EEF2KMT: variants seen among roughly 807,000 people sequenced by gnomAD.
The protein encoded by EEF2KMT is eukaryotic elongation factor 2 lysine methyltransferase.
In EEF2KMT, 30 loss-of-function variants were observed where a neutral mutation model predicts 35.1. That is an observed-to-expected ratio of 0.85 (90% CI 0.64 to 1.16). The LOEUF is 1.16. Ranked by LOEUF, EEF2KMT falls within the 50% of genes most tolerant of loss-of-function variation. The pLI is 0.00. For missense variants in EEF2KMT, 499 were observed against 438.2 expected (o/e 1.14, Z -1.24); for synonymous variants, 190 against 187.7 (o/e 1.01, Z -0.10).
At chr16:5,087,226 A>G (rs1957211515) in intron 7 of EEF2KMT, 1 of 152,230 alleles carries the variant, frequency 6.6e-6, no homozygotes, top group African/African-American at 2.4e-5. Flanking sequence ...AAAGAAAAAA[A>G]ATCACAAAAA....
chr16:5,088,833 C>T (rs146743934), intron 7 of EEF2KMT, among the ~76,000 whole-genome samples: 23 of 152,026 alleles, frequency 1.5e-4, no homozygotes, highest in East Asian at 1.2e-3. Context: ...ATGAGGAAAC[C>T]GAGGCCCAAG....
intron 1 of EEF2KMT, among the ~76,000 whole-genome samples, chr16:5,097,032 A>G (rs1405540183): frequency 6.6e-6 from 1 of 152,238 alleles, no homozygotes; most frequent in African/African-American, 2.4e-5. Context: ...CATGAATTAC[A>G]AATGAGGCCG....
In EEF2KMT at chr16:5,090,588, A is replaced by T; in HGVS notation, c.343-23T>A. On this transcript the variant is annotated intron_variant, in intron 4 of 7. Coordinates refer to ENST00000427587, the MANE Select transcript of EEF2KMT (RefSeq NM_201400.4). This position sits in a 1 kb window ranked among gnomAD's most constrained non-coding sequence, Gnocchi z 4.1. ...GGGCTGCACCAAGAGAAGGCGAGAGAGTCAGTCCAGCGATCAGAAGGCAAG... is the reference window on the plus strand; with the variant it reads ...GGGCTGCACCAAGAGAAGGCGAGAGTGTCAGTCCAGCGATCAGAAGGCAAG... The T allele has an allele frequency of 6.2e-7, 1 of 1,611,780 alleles. No individual in the cohort carries two copies. The highest frequency in any genetic ancestry group is 1.1e-5 in the South Asian group (1 of 90,970).
intron 1 of EEF2KMT, chr16:5,097,156 A>G: frequency 3.8e-6 from 2 of 522,118 alleles, no homozygotes; most frequent in Non-Finnish European, 5.5e-6. Flanking sequence ...TGTCTCTTCC[A>G]TCACAGGCGT....
intron 2 of EEF2KMT, 187 bp downstream of exon 2, chr16:5,095,265 A>C (rs1210149614): frequency 1.3e-6 from 1 of 755,326 alleles, no homozygotes. Context: ...CTAAGTCTTA[A>C]ATAGAAAACG....
chr16:5,093,797 T>C (rs1348455523), intron 2 of EEF2KMT, among the ~76,000 whole-genome samples: 4 of 152,188 alleles, frequency 2.6e-5, no homozygotes, highest in Admixed American at 6.5e-5. Context: ...TAACGCCCAT[T>C]CTGAGCAGGA....
intron 3 of EEF2KMT, among the ~76,000 whole-genome samples, chr16:5,092,893 G>C (rs1567180783): frequency 6.6e-6 from 1 of 152,224 alleles, no homozygotes. Context: ...CCAGGAGGCA[G>C]AGGTTTCAGG....
intron 1 of EEF2KMT, chr16:5,097,377 C>G: frequency 5.4e-6 from 8 of 1,484,644 alleles, no homozygotes; most frequent in Non-Finnish European, 7.2e-6. Flanking sequence ...TGAAAATGAT[C>G]GTGAACTGTA....
rs1210576669 is a variant in EEF2KMT at position 5,085,566 on chromosome 16, C to T, written c.*66G>A. 1 of 1,157,710 alleles carries T rather than the reference C, an allele frequency of 8.6e-7. No homozygotes were observed. Among genetic ancestry groups the T allele is most frequent in the Non-Finnish European group, 1.3e-6 (1 of 765,800 alleles). The allele number at this position is 1,157,710 out of a possible 1,614,324, so 71.7% of individuals were successfully genotyped here. ...CCAATGAAAGTTTTATCCGCTTTCC[C>T]ATATAAAAATTCTTCCCATGAGAGT... On this transcript the variant is annotated 3_prime_UTR_variant, in exon 8 of 8. Transcript: ENST00000427587.
rs1401524002 is a variant in EEF2KMT, at chr16:5,084,822, C to A, written c.*810G>T. The A allele has an allele frequency of 2.5e-6, 4 of 1,596,354 alleles. No homozygotes were observed. The African/African-American group carries it at 5.3e-5, about 21-fold the overall frequency. On this transcript the variant is annotated 3_prime_UTR_variant, in exon 8 of 8. Coordinates refer to ENST00000427587, the MANE Select transcript of EEF2KMT (RefSeq NM_201400.4). ...CCGGAAGAACCTGCGGGAGTCGCAG[C>A]AGCTCCGATGGGATGAGAGCTGGGT...
At chr16:5,088,809 C>T (rs1275322036) in intron 7 of EEF2KMT, among the ~76,000 whole-genome samples, 2 of 152,100 alleles carry the variant, frequency 1.3e-5, no homozygotes, top group Non-Finnish European at 2.9e-5. Context: ...CCTCCCGCCA[C>T]CTCCATTTTA....
In EEF2KMT at chr16:5,090,159, C is replaced by T. The variant is rs1957309956; in HGVS notation, c.667G>A (p.Val223Met). 2 of 1,611,446 alleles carry T rather than the reference C, an allele frequency of 1.2e-6. No individual in the cohort carries two copies. Among genetic ancestry groups the T allele is most frequent in the African/African-American group, 1.3e-5 (1 of 74,996 alleles). The change falls in exon 6 of 8, where the codon GTG (valine) becomes ATG (methionine). Residue 223 changes from valine (V) to methionine (M), a missense_variant. Coordinates refer to ENST00000427587, the MANE Select transcript of EEF2KMT (RefSeq NM_201400.4). The surrounding 1 kb of genome is among the most constrained non-coding windows in gnomAD (Gnocchi z 4.1). ...TAKLDSPRVT[V>M]AQLDWDVATV... ...GCGACGTCCCAGTCCAGCTGGGCCA[C>T]TGTCACCCTGGGGCTGTCTAACTTG... is the stretch of plus-strand genomic sequence containing the variant.
At position 5,085,574 on chromosome 16, in the gene EEF2KMT, A is replaced by C; in HGVS notation, c.*58T>G. ...AGTTTTATCCGCTTTCCCATATAAAAATTCTTCCCATGAGAGTGACTTGAT... is the reference window on the plus strand; with the variant it reads ...AGTTTTATCCGCTTTCCCATATAAACATTCTTCCCATGAGAGTGACTTGAT... On this transcript the variant is annotated 3_prime_UTR_variant, in exon 8 of 8. Coordinates refer to ENST00000427587, the MANE Select transcript of EEF2KMT (RefSeq NM_201400.4). 8.1e-7 allele frequency: 1 copy of C among 1,235,744 alleles called. No individual in the cohort carries two copies. The highest frequency in any genetic ancestry group is 1.2e-5 in the South Asian group (1 of 83,416). 76.5% of individuals were successfully genotyped at this position (1,235,744 alleles called of 1,614,324 possible). A position where few individuals can be genotyped will look rare whatever the true frequency, so the allele number is the denominator to read the frequency against.
intron 1 of EEF2KMT, among the ~76,000 whole-genome samples, chr16:5,096,068 A>T (rs1957457091): frequency 6.6e-6 from 1 of 151,730 alleles, no homozygotes; most frequent in South Asian, 2.1e-4. Context: ...CCCCTGGCCC[A>T]CCCTGCTCAC....
intron 6 of EEF2KMT, 110 bp downstream of exon 6, chr16:5,089,974 C>A (rs1957305555): frequency 3.3e-6 from 5 of 1,512,400 alleles, no homozygotes; most frequent in Non-Finnish European, 3.5e-6. Flanking sequence ...TTCTGGAAGC[C>A]CCATCATGTC....
At chr16:5,092,143 G>C (rs1259906432) in intron 3 of EEF2KMT, among the ~76,000 whole-genome samples, 1 of 147,816 alleles carries the variant, frequency 6.8e-6, no homozygotes, top group Non-Finnish European at 1.5e-5. Flanking sequence ...CAGAGACCTT[G>C]TCTCTAAAAA....
chr16:5,090,671 C>T lies in EEF2KMT; in HGVS notation c.343-106G>A, dbSNP rs978924536. 6.5e-5 allele frequency: 94 copies of T among 1,444,458 alleles called. No homozygotes were observed. Among genetic ancestry groups the T allele is most frequent in the Middle Eastern group, 5.0e-4 (2 of 3,966 alleles). 89.5% of individuals were successfully genotyped at this position (1,444,458 alleles called of 1,614,324 possible). On this transcript the variant is annotated intron_variant, in intron 4 of 7. Transcript: ENST00000427587. This position sits in a 1 kb window ranked among gnomAD's most constrained non-coding sequence, Gnocchi z 4.1. ...CTGAATAAACCATGACAGGACCAATCGCCACTCAGCAATGAGAAGCAGCTA... is the reference window on the plus strand; with the variant it reads ...CTGAATAAACCATGACAGGACCAATTGCCACTCAGCAATGAGAAGCAGCTA...
chr16:5,085,746 A>T lies in EEF2KMT; in HGVS notation c.893-14T>A, dbSNP rs765890148. ...TCCCGGCCCGGCCTGGAAACAGAGC[A>T]CATGTGTTTGAGGATGGCGGTGTTT... On this transcript the variant is annotated splice_polypyrimidine_tract_variant and intron_variant, in intron 7 of 7. Coordinates refer to ENST00000427587, the MANE Select transcript of EEF2KMT (RefSeq NM_201400.4). 6.3e-7 allele frequency: 1 copy of T among 1,596,112 alleles called. No individual in the cohort carries two copies. Among genetic ancestry groups the T allele is most frequent in the East Asian group, 2.2e-5 (1 of 44,792 alleles).
In EEF2KMT at chr16:5,090,249, C is replaced by T. The variant is rs771104188; in HGVS notation, c.577G>A (p.Val193Ile). The change falls in exon 6 of 8, where the codon GTC becomes ATC. Residue 193 changes from valine to isoleucine, a missense_variant. Coordinates refer to ENST00000427587, the MANE Select transcript of EEF2KMT (RefSeq NM_201400.4). The surrounding 1 kb of genome is among the most constrained non-coding windows in gnomAD (Gnocchi z 4.1). ...ACATTCCCTCGGAGCTGCTCAAGGACCCGGCTGTGACAGTCGCTGAAGATG... is the reference window on the plus strand; with the variant it reads ...ACATTCCCTCGGAGCTGCTCAAGGATCCGGCTGTGACAGTCGCTGAAGATG... ...AYIFSDCHSRVLEQLRGNVLL... is the reference protein window; with the variant it reads ...AYIFSDCHSRILEQLRGNVLL... 1.9e-6 allele frequency: 3 copies of T among 1,612,004 alleles called. No homozygotes were observed. The South Asian group carries it at 3.3e-5, about 18-fold the overall frequency.
Sources: allele counts gnomAD v4.1 joint callset (sites outside exome capture counted in the v4.1 genomes callset), GRCh38; gene constraint gnomAD v4.1.1; non-coding constraint Gnocchi (gnomAD v3.1); transcripts MANE v1.5; gene names NCBI Gene and HGNC (gene_info 2026-07-23, HGNC 2026-07-21).